Variants in SIPA1L1 observed in about 807,000 individuals in gnomAD.
SIPA1L1 encodes signal induced proliferation associated 1 like 1.
Under a neutral mutation model 162.7 loss-of-function variants are expected in SIPA1L1, and 26 were observed. The ratio of observed to expected loss-of-function variants is 0.16; its 90% CI spans 0.12 to 0.22. The LOEUF (loss-of-function observed/expected upper bound fraction) is 0.22. Among genes scored for constraint, SIPA1L1 ranks in the 10% least tolerant of loss-of-function variants. The pLI is 1.00. For missense variants in SIPA1L1, 1,874 were observed against 2,241.0 expected, an observed-to-expected ratio of 0.84 and a Z score of 3.31; for synonymous variants, 829 against 837.4, an observed-to-expected ratio of 0.99 and a Z score of 0.17.
At chr14:71,671,845 G>A (rs1035700674) in intron 11 of SIPA1L1, among the ~76,000 whole-genome samples, 153 bp downstream of exon 11, 2 of 152,010 alleles carry the variant, frequency 1.3e-5, no homozygotes, top group African/African-American at 4.8e-5. Flanking sequence ...TCTCATGCTT[G>A]TGTTTTCCAT....
rs764456614 is a variant in SIPA1L1 at position 71,730,258 on chromosome 14, G to C, written c.4818G>C (p.Pro1606=). ...ACCCTTCTCTCCCCAAGTCGCTCCCGTTGAGGAGGCCTTCTTACACCTTAG... is the reference window on the plus strand; with the variant it reads ...ACCCTTCTCTCCCCAAGTCGCTCCCCTTGAGGAGGCCTTCTTACACCTTAG... The part of the protein sequence containing the change: ...STYPSLPKSL[P]LRRPSYTLGM... The change falls in exon 20 of 24, where the codon CCG becomes CCC. Residue 1606 remains proline, a synonymous_variant. Coordinates refer to ENST00000381232, the MANE Select transcript of SIPA1L1 (RefSeq NM_001386936.1). 1.9e-6 allele frequency: 3 copies of C among 1,614,154 alleles called. No homozygotes were observed. Among genetic ancestry groups the C allele is most frequent in the Non-Finnish European group, 2.5e-6 (3 of 1,180,030 alleles).
At chr14:71,331,631 C>T (rs566457495) in intron 2 of SIPA1L1, among the ~76,000 whole-genome samples, 32 of 152,152 alleles carry the variant, frequency 2.1e-4, no homozygotes, top group South Asian at 1.0e-3. Context: ...GTATTCATAC[C>T]CAACACTCTG....
intron 21 of SIPA1L1, 58 bp from the exon 22 acceptor site, chr14:71,735,219 T>C: frequency 8.6e-7 from 1 of 1,165,136 alleles, no homozygotes; most frequent in Non-Finnish European, 1.3e-6. Context: ...TTGACTTTGA[T>C]AGATAGGGCC....
rs554153400 is a variant in SIPA1L1, at chr14:71,723,289, A to G, written c.4209-358A>G. On this transcript the variant is annotated intron_variant, in intron 17 of 23. Transcript: ENST00000381232. The stretch of plus-strand genomic sequence containing the variant: ...GTTGTGAGGAAAGCAAGACAGAGGC[A>G]TGGAGACGGTAGACCTTTTACTTCT... Among the ~76,000 whole-genome samples the G allele has an allele frequency of 4.6e-5, 7 of 152,342 alleles. No homozygotes were observed. In the South Asian group the frequency reaches 1.5e-3, roughly 32 times the overall value.
At chr14:71,545,451 T>A (rs2055102368) in intron 4 of SIPA1L1, among the ~76,000 whole-genome samples, 1 of 152,218 alleles carries the variant, frequency 6.6e-6, no homozygotes. Flanking sequence ...TTTTCTGTGA[T>A]CCTCTAAGTA....
At position 71,740,238 on chromosome 14, in the gene SIPA1L1, G is replaced by T. The variant is rs2085655348; in HGVS notation, c.*1077G>T. 1.3e-5 allele frequency: 2 copies of T among 152,226 alleles called. No individual in the cohort carries two copies. The highest frequency in any genetic ancestry group is 6.5e-5 in the Admixed American group (1 of 15,278). The allele number at this position is 152,226 out of a possible 1,614,324, so 9.4% of individuals were successfully genotyped here. Reference sequence around the variant, plus strand: ...GTTAGGAATAATGACTGTGATACTAGAATGGGCTTTTGAAACCTGCATGTC... The same window carrying T: ...GTTAGGAATAATGACTGTGATACTATAATGGGCTTTTGAAACCTGCATGTC... On this transcript the variant is annotated 3_prime_UTR_variant, in exon 24 of 24. Coordinates refer to ENST00000381232, the MANE Select transcript of SIPA1L1 (RefSeq NM_001386936.1).
chr14:71,346,704 A>G (rs2036201755), intron 2 of SIPA1L1, among the ~76,000 whole-genome samples: 1 of 152,228 alleles, frequency 6.6e-6, no homozygotes, highest in Admixed American at 6.5e-5. Flanking sequence ...ATTGAGATAT[A>G]ATTCACACAT....
rs1033575871 is a variant in SIPA1L1 at position 71,451,477 on chromosome 14, A to G, written c.-464-61266A>G. On this transcript the variant is annotated intron_variant, in intron 2 of 23. Transcript: ENST00000381232. Reference sequence around the variant, plus strand: ...AGTGAGACCTTGTCTCTACAAAAAAATTTTAAAATTACCCAGGCATAGTGG... The same window carrying G: ...AGTGAGACCTTGTCTCTACAAAAAAGTTTTAAAATTACCCAGGCATAGTGG... Among the ~76,000 whole-genome samples the G allele has an allele frequency of 2.6e-5, 4 of 151,932 alleles. No homozygotes were observed. The South Asian group carries it at 8.3e-4, about 32-fold the overall frequency.
chr14:71,570,248 A>G lies in SIPA1L1; in HGVS notation c.-302-17323A>G, dbSNP rs1027477007. Among the ~76,000 whole-genome samples, 36 of 151,618 alleles carry G rather than the reference A, an allele frequency of 2.4e-4. 1 individual carries two copies. Among genetic ancestry groups the G allele is most frequent in the Non-Finnish European group, 1.2e-4 (8 of 67,922 alleles). ...CTATTTTTTTTCTTTTTTCTTTTTT[A>G]AAATCCATTTATCTTTATTTATTTA... On this transcript the variant is annotated intron_variant, in intron 4 of 23. Coordinates refer to ENST00000381232, the MANE Select transcript of SIPA1L1 (RefSeq NM_001386936.1).
intron 10 of SIPA1L1, among the ~76,000 whole-genome samples, chr14:71,664,918 T>C (rs993086645): frequency 7.2e-5 from 11 of 151,930 alleles, no homozygotes; most frequent in Admixed American, 7.2e-4. Context: ...TGGAATTCAA[T>C]GGGAAAAAGA....
At chr14:71,603,948 T>TAA (rs1416603955) in intron 5 of SIPA1L1, among the ~76,000 whole-genome samples, 1 of 144,662 alleles carries the variant, frequency 6.9e-6, no homozygotes, top group South Asian at 2.1e-4. Context: ...TATCTATATA[T>TAA]ATTTATATAT....
intron 12 of SIPA1L1, among the ~76,000 whole-genome samples, chr14:71,676,393 A>G (rs1566627293): frequency 6.6e-6 from 1 of 151,700 alleles, no homozygotes; most frequent in Non-Finnish European, 1.5e-5. Context: ...CCAAACTACA[A>G]TTTTTTTAAG....
intron 2 of SIPA1L1, among the ~76,000 whole-genome samples, chr14:71,466,446 T>C (rs991851285): frequency 2.0e-5 from 3 of 152,114 alleles, no homozygotes; most frequent in Admixed American, 2.0e-4. Flanking sequence ...CTGGCCAGGT[T>C]CATAGTACCC....
At chr14:71,502,670 A>T (rs1353171367) in intron 2 of SIPA1L1, among the ~76,000 whole-genome samples, 1 of 152,178 alleles carries the variant, frequency 6.6e-6, no homozygotes, top group African/African-American at 2.4e-5. Flanking sequence ...AAATACTCTT[A>T]TTCCTAGTGA....
intron 5 of SIPA1L1, among the ~76,000 whole-genome samples, chr14:71,603,920 A>AATATATATAGATATATAGATATAGATAT (rs1567292576): frequency 7.1e-6 from 1 of 141,344 alleles, no homozygotes; most frequent in East Asian, 2.0e-4. Context: ...GATATATATA[A>AATATATATAGATATATAGATATAGATAT]ATATATATAT....
intron 2 of SIPA1L1, among the ~76,000 whole-genome samples, chr14:71,466,765 T>A (rs902481895): frequency 6.6e-6 from 1 of 152,212 alleles, no homozygotes; most frequent in Non-Finnish European, 1.5e-5. Context: ...CTAAAATGGA[T>A]GTTCATGGTC....
intron 2 of SIPA1L1, among the ~76,000 whole-genome samples, chr14:71,448,505 G>A (rs1209206722): frequency 2.0e-5 from 3 of 152,134 alleles, no homozygotes; most frequent in Non-Finnish European, 2.9e-5. Context: ...TCTGAAAACC[G>A]TTTGACATTT....
intron 13 of SIPA1L1, among the ~76,000 whole-genome samples, chr14:71,689,369 G>A (rs1387105468): frequency 6.6e-6 from 1 of 152,176 alleles, no homozygotes; most frequent in East Asian, 1.9e-4. Context: ...TACAGTATTT[G>A]TGAGAGTAGT....
chr14:71,660,690 G>A (rs1005679364), intron 9 of SIPA1L1, among the ~76,000 whole-genome samples: 1 of 152,126 alleles, frequency 6.6e-6, no homozygotes, highest in African/African-American at 2.4e-5. Context: ...ATGATTTGGG[G>A]TGCCTGAGTT....
Sources: allele counts gnomAD v4.1 joint callset (sites outside exome capture counted in the v4.1 genomes callset), GRCh38; gene constraint gnomAD v4.1.1; transcripts MANE v1.5; gene names NCBI Gene and HGNC (gene_info 2026-07-23, HGNC 2026-07-21).